TUBG1: variants seen among roughly 807,000 people sequenced by gnomAD.
TUBG1 encodes tubulin gamma-1 chain.
Under a neutral mutation model 53.3 loss-of-function variants are expected in TUBG1, and 22 were observed. That is an observed-to-expected ratio of 0.41 (90% CI 0.29 to 0.59). The LOEUF is 0.59. Among genes scored for constraint, TUBG1 ranks in the 20% least tolerant of loss-of-function variants. The probability of loss-of-function intolerance (pLI) is 0.26; values close to 1 mark genes in which losing one functional copy is unlikely to be tolerated. For synonymous variants in TUBG1, 198 were observed against 236.7 expected, an observed-to-expected ratio of 0.84 and a Z score of 1.50; for missense variants, 217 against 598.9, an observed-to-expected ratio of 0.36 and a Z score of 6.66.
rs1218685226 is a variant in TUBG1, at chr17:42,613,902, G to C, written c.747G>C (p.Met249Ile). The C allele has an allele frequency of 6.2e-7, 1 of 1,614,174 alleles. No homozygotes were observed. Among genetic ancestry groups the C allele is most frequent in the Non-Finnish European group, 8.5e-7 (1 of 1,180,026 alleles). ...STTTLRYPGY[M>I]NNDLIGLIAS... The stretch of plus-strand genomic sequence containing the variant: ...CCACCCTGCGCTACCCTGGCTACAT[G>C]AACAATGACCTCATCGGCCTCATCG... The change falls in exon 8 of 11, where the codon ATG becomes ATC. Residue 249 changes from methionine to isoleucine, a missense_variant. Around this residue, in one of 4 missense-constraint regions of TUBG1, gnomAD observed 135 missense variants for 371.2 expected, o/e 0.36. Transcript: ENST00000251413.
In TUBG1 at chr17:42,613,647, G is replaced by A. The variant is rs2052053218; in HGVS notation, c.607G>A (p.Val203Met). Reference protein sequence around the residue: ...KRLTQNADCVVVLDNTALNRI... With the variant: ...KRLTQNADCVMVLDNTALNRI... ...CTGTGATCCTCTTCTGTCCCCCCAG[G>A]TGGTGCTGGACAACACAGCCCTGAA... Residue 203 changes from valine to methionine, a missense_variant and splice_region_variant, in exon 7 of 11, where the codon GTG becomes ATG. Physicochemically the swap from Val to Met is conservative, Grantham distance 21 (BLOSUM62 1). Transcript: ENST00000251413. The A allele has an allele frequency of 6.2e-7, 1 of 1,613,994 alleles. No individual in the cohort carries two copies. Among genetic ancestry groups the A allele is most frequent in the Non-Finnish European group, 8.5e-7 (1 of 1,179,990 alleles).
intron 6 of TUBG1, 46 bp from the exon 7 acceptor site, chr17:42,613,601 G>A: frequency 6.2e-7 from 1 of 1,613,918 alleles, no homozygotes; most frequent in South Asian, 1.1e-5. Context: ...CAGAGCTCCT[G>A]TTTTTCTTAT....
At position 42,615,163 on chromosome 17, in the gene TUBG1, C is replaced by T. The variant is rs1280745012; in HGVS notation, c.*122C>T. 3 of 863,084 alleles carry T rather than the reference C, an allele frequency of 3.5e-6. No homozygotes were observed. In the Admixed American group the frequency reaches 8.0e-5, roughly 23 times the overall value. The allele number at this position is 863,084 out of a possible 1,614,324, so 53.5% of individuals were successfully genotyped here. A position where few individuals can be genotyped will look rare whatever the true frequency, so the allele number is the denominator to read the frequency against. On this transcript the variant is annotated 3_prime_UTR_variant, in exon 11 of 11. Coordinates refer to ENST00000251413, the MANE Select transcript of TUBG1 (RefSeq NM_001070.5). ...TCTCTTTCTCATATACATGGACTCT[C>T]TGTTGGCCTGCAAACACATTTACTT... is the stretch of plus-strand genomic sequence containing the variant.
chr17:42,611,420 C>A (rs992192200), intron 3 of TUBG1, among the ~76,000 whole-genome samples: 1 of 152,152 alleles, frequency 6.6e-6, no homozygotes, highest in African/African-American at 2.4e-5. Flanking sequence ...TTTCTAAAAT[C>A]TGAAATATTT....
chr17:42,614,480 C>T lies in TUBG1; in HGVS notation c.997-16C>T. 2 of 1,614,004 alleles carry T rather than the reference C, an allele frequency of 1.2e-6. No homozygotes were observed. The highest frequency in any genetic ancestry group is 1.1e-5 in the South Asian group (1 of 91,078). On this transcript the variant is annotated splice_polypyrimidine_tract_variant and intron_variant, in intron 9 of 10. Coordinates refer to ENST00000251413, the MANE Select transcript of TUBG1 (RefSeq NM_001070.5). This position sits in a 1 kb window ranked among gnomAD's most constrained non-coding sequence, Gnocchi z 5.1. ...TAGAGGAGAGGCCACCTCCACTGCT[C>T]CTATGCCCACCCCAGGTCCACAAGA...
chr17:42,610,033 A>G (rs1422265220), intron 1 of TUBG1, 75 bp from the exon 2 acceptor site: 5 of 1,546,940 alleles, frequency 3.2e-6, no homozygotes, highest in East Asian at 2.3e-5. Flanking sequence ...GCAGGCGCCC[A>G]GTCCCCCGGC....
At position 42,613,652 on chromosome 17, in the gene TUBG1, G is replaced by C. The variant is rs760794474; in HGVS notation, c.612G>C (p.Val204=). The C allele has an allele frequency of 2.0e-5, 33 of 1,614,052 alleles. No individual in the cohort carries two copies. The East Asian group carries it at 7.4e-4, about 36-fold the overall frequency. ...ATCCTCTTCTGTCCCCCCAGGTGGT[G>C]CTGGACAACACAGCCCTGAACCGGA... ...RLTQNADCVV[V]LDNTALNRIA... Residue 204 remains valine (V), a synonymous_variant, in exon 7 of 11, where the codon GTG becomes GTC. Transcript: ENST00000251413.
chr17:42,615,081 GC>G lies in TUBG1; in HGVS notation c.*43del. The stretch of plus-strand genomic sequence containing the variant: ...GGACCCTCATCTGCCTTACTGGTTG[GC>G]CCAAGCCCTGCCTGACTGACCACCC... On this transcript the variant is annotated 3_prime_UTR_variant, in exon 11 of 11. Coordinates refer to ENST00000251413, the MANE Select transcript of TUBG1 (RefSeq NM_001070.5). The G allele has an allele frequency of 6.2e-7, 1 of 1,607,924 alleles. No homozygotes were observed. Among genetic ancestry groups the G allele is most frequent in the East Asian group, 2.2e-5 (1 of 44,792 alleles).
intron 4 of TUBG1, 75 bp from the exon 5 acceptor site, chr17:42,612,352 A>G (rs895882325): frequency 6.5e-7 from 1 of 1,545,774 alleles, no homozygotes; most frequent in African/African-American, 1.4e-5. Context: ...GGGAGTCCTA[A>G]AAAACTATGA....
At position 42,614,075 on chromosome 17, in the gene TUBG1, C is replaced by A; in HGVS notation, c.843+77C>A. 6.2e-7 allele frequency: 1 copy of A among 1,604,554 alleles called. No individual in the cohort carries two copies. The highest frequency in any genetic ancestry group is 8.5e-7 in the Non-Finnish European group (1 of 1,174,758). On this transcript the variant is annotated intron_variant, in intron 8 of 10. Coordinates refer to ENST00000251413, the MANE Select transcript of TUBG1 (RefSeq NM_001070.5). The surrounding 1 kb of genome is among the most constrained non-coding windows in gnomAD (Gnocchi z 5.1). ...CCCTGTCCTAGCCTTTCTCTCTTCC[C>A]CACTGCCCCAGGAGCTACCCTTTGT...
At position 42,614,142 on chromosome 17, in the gene TUBG1, C is replaced by A; in HGVS notation, c.844-118C>A. On this transcript the variant is annotated intron_variant, in intron 8 of 10. Coordinates refer to ENST00000251413, the MANE Select transcript of TUBG1 (RefSeq NM_001070.5). This position sits in a 1 kb window ranked among gnomAD's most constrained non-coding sequence, Gnocchi z 5.1. ...CGCTCAGGGACTGGCACAGAGTGGG[C>A]GACTTTCTTGCTGACTTGCTCTCCA... The A allele has an allele frequency of 6.3e-7, 1 of 1,586,428 alleles. No individual in the cohort carries two copies. The highest frequency in any genetic ancestry group is 8.6e-7 in the Non-Finnish European group (1 of 1,164,606).
rs1306108936 is a variant in TUBG1, at chr17:42,612,835, C to T, written c.480-112C>T. 4.8e-6 allele frequency: 7 copies of T among 1,449,048 alleles called. No individual in the cohort carries two copies. The Admixed American group carries it at 1.4e-4, about 29-fold the overall frequency. 89.8% of individuals were successfully genotyped at this position (1,449,048 alleles called of 1,614,324 possible). On this transcript the variant is annotated intron_variant, in intron 5 of 10. Coordinates refer to ENST00000251413, the MANE Select transcript of TUBG1 (RefSeq NM_001070.5). ...AGGCTCCCTTCTCTACTGATTTGAC[C>T]CCACCCCAGTTTCGCCATCAAGATT... is the stretch of plus-strand genomic sequence containing the variant.
At chr17:42,610,742 G>GCCTACACT in intron 3 of TUBG1, 152 bp downstream of exon 3, 1 of 1,078,380 alleles carries the variant, frequency 9.3e-7, no homozygotes, top group East Asian at 2.6e-5. Flanking sequence ...ATTGTCAAGC[G>GCCTACACT]CCTACACTAG....
chr17:42,611,616 G>A (rs1345347331), intron 3 of TUBG1, among the ~76,000 whole-genome samples: 1 of 152,162 alleles, frequency 6.6e-6, no homozygotes, highest in Non-Finnish European at 1.5e-5. Context: ...AGCACTTTGG[G>A]AGGCCAAGGC....
chr17:42,609,722 C>T lies in TUBG1; in HGVS notation c.-16C>T, dbSNP rs998269947. 3.2e-5 allele frequency: 49 copies of T among 1,547,216 alleles called. No individual in the cohort carries two copies. Among genetic ancestry groups the T allele is most frequent in the African/African-American group, 2.1e-4 (15 of 72,902 alleles). On this transcript the variant is annotated 5_prime_UTR_variant, in exon 1 of 11. Coordinates refer to ENST00000251413, the MANE Select transcript of TUBG1 (RefSeq NM_001070.5). ...TTGCGGGCGGGAGCGGCTGCAACGC[C>T]GGTGCCTGAGGAGCGATGCCGAGGG...
intron 5 of TUBG1, among the ~76,000 whole-genome samples, chr17:42,612,742 A>G (rs565613246): frequency 7.2e-5 from 11 of 152,224 alleles, no homozygotes; most frequent in East Asian, 5.8e-4. Flanking sequence ...CCAGGTCTCA[A>G]TTTGGAAGCC....
intron 4 of TUBG1, 83 bp downstream of exon 4, chr17:42,612,226 A>G: frequency 6.9e-7 from 1 of 1,457,170 alleles, no homozygotes; most frequent in Non-Finnish European, 9.6e-7. Context: ...TAGGAACAAG[A>G]CCCACTCATG....
Position 42,613,918 on chromosome 17 carries a change from G to A in TUBG1, c.763G>A (p.Gly255Ser), listed in dbSNP as rs893349933. 32 of 1,614,094 alleles carry A rather than the reference G, an allele frequency of 2.0e-5. No individual in the cohort carries two copies. The highest frequency in any genetic ancestry group is 2.4e-5 in the Non-Finnish European group (28 of 1,180,016). ...YPGYMNNDLI[G>S]LIASLIPTPR... The stretch of plus-strand genomic sequence containing the variant: ...TGGCTACATGAACAATGACCTCATC[G>A]GCCTCATCGCCTCGCTCATTCCCAC... The change falls in exon 8 of 11, where the codon GGC becomes AGC. Residue 255 changes from glycine to serine, a missense_variant. By Grantham distance (56) the Gly-to-Ser change is moderately conservative. Around this residue, in one of 4 missense-constraint regions of TUBG1, gnomAD observed 135 missense variants for 371.2 expected, o/e 0.36. Transcript: ENST00000251413.
intron 1 of TUBG1, 128 bp downstream of exon 1, chr17:42,609,914 C>T: frequency 7.1e-7 from 1 of 1,403,130 alleles, no homozygotes; most frequent in African/African-American, 1.4e-5. Context: ...ATCCCTGACC[C>T]AGTGTCCACT....
Sources: gnomAD v4.1 joint callset for allele counts (sites outside exome capture counted in the v4.1 genomes callset) on GRCh38, gnomAD v4.1.1 for gene constraint, gnomAD v4.1.1 regional missense constraint, Gnocchi (gnomAD v3.1) non-coding constraint, MANE v1.5 for transcripts, NCBI Gene and HGNC (gene_info 2026-07-23, HGNC 2026-07-21) for gene names.